ACLY: variants seen among roughly 807,000 people sequenced by gnomAD.
The protein encoded by ACLY is ATP-citrate synthase.
Under a neutral mutation model 133.0 loss-of-function variants are expected in ACLY, and 41 were observed. The observed-to-expected ratio is 0.31, with a 90% CI of 0.24 to 0.40. The LOEUF (loss-of-function observed/expected upper bound fraction) is 0.40. Among genes scored for constraint, ACLY ranks in the 10% least tolerant of loss-of-function variants. The pLI is 1.00. For missense variants in ACLY, 1,046 were observed against 1,453.8 expected (o/e 0.72, Z 4.56); for synonymous variants, 495 against 549.3 (o/e 0.90, Z 1.38).
intron 16 of ACLY, 29 bp downstream of exon 16, chr17:41,892,250 C>T (rs1555629466): frequency 3.2e-5 from 9 of 278,610 alleles, no homozygotes; most frequent in South Asian, 6.9e-5. Flanking sequence ...TGGTCCCCAC[C>T]CCCCACCCTC....
At chr17:41,910,556 C>T (rs1419141929) in intron 3 of ACLY, among the ~76,000 whole-genome samples, 2 of 152,172 alleles carry the variant, frequency 1.3e-5, no homozygotes, top group Non-Finnish European at 2.9e-5. Context: ...ACAGGACCTG[C>T]GCAAGTGAAA....
intron 16 of ACLY, among the ~76,000 whole-genome samples, chr17:41,888,982 G>A (rs1188263113): frequency 1.3e-5 from 2 of 152,246 alleles, no homozygotes; most frequent in East Asian, 3.9e-4. Context: ...GCCAGGCATA[G>A]TGATGCATGC....
In ACLY at chr17:41,869,668, A is replaced by G. The variant is rs1260221098; in HGVS notation, c.2938-81T>C. 8 of 1,200,430 alleles carry G rather than the reference A, an allele frequency of 6.7e-6. No homozygotes were observed. The Admixed American group carries it at 1.4e-4, about 21-fold the overall frequency. The allele number at this position is 1,200,430 out of a possible 1,614,324, so 74.4% of individuals were successfully genotyped here. A position where few individuals can be genotyped will look rare whatever the true frequency, so the allele number is the denominator to read the frequency against. On this transcript the variant is annotated intron_variant, in intron 25 of 28. Transcript: ENST00000352035. Reference sequence around the variant, plus strand: ...GTTCATACTTGTGTTACAGGTAGGTAGAACTGGACATATCCCAGCGGCGAT... The same window carrying G: ...GTTCATACTTGTGTTACAGGTAGGTGGAACTGGACATATCCCAGCGGCGAT...
Position 41,906,629 on chromosome 17 carries a change from G to C in ACLY, c.765C>G (p.Asp255Glu). ...GGCTTGCCCCACTTTTGGCATCGAGGTCTGCAATGTAGGCTTCCTGGGGAC... is the reference window on the plus strand; with the variant it reads ...GGCTTGCCCCACTTTTGGCATCGAGCTCTGCAATGTAGGCTTCCTGGGGAC... ...EAYPEEAYIA[D>E]LDAKSGASLK... Residue 255 changes from aspartate to glutamate, a missense_variant, in exon 8 of 29, where the codon GAC becomes GAG. Coordinates refer to ENST00000352035, the MANE Select transcript of ACLY (RefSeq NM_001096.3). The C allele has an allele frequency of 6.2e-7, 1 of 1,614,194 alleles. No homozygotes were observed. The highest frequency in any genetic ancestry group is 8.5e-7 in the Non-Finnish European group (1 of 1,180,026).
At chr17:41,878,048 C>CAT (rs1555626467) in intron 22 of ACLY, 55 bp downstream of exon 22, 2 of 1,310,008 alleles carry the variant, frequency 1.5e-6, no homozygotes, top group African/African-American at 3.0e-5. Flanking sequence ...AACCCACCAC[C>CAT]ATAGACCCAC....
At chr17:41,915,131 C>T (rs1426689398) in intron 1 of ACLY, among the ~76,000 whole-genome samples, 1 of 152,178 alleles carries the variant, frequency 6.6e-6, no homozygotes, top group Non-Finnish European at 1.5e-5. Context: ...GTGTCCTTTT[C>T]ACTTCAAAGA....
At chr17:41,923,573 C>CT (rs1555635667), upstream of ACLY, among the ~76,000 whole-genome samples, 1 of 152,176 alleles carries the variant, frequency 6.6e-6, no homozygotes, top group East Asian at 1.9e-4. Flanking sequence ...AGTGGATCTC[C>CT]TTTATCTGAC....
chr17:41,869,015 T>C, intron 27 of ACLY, 28 bp downstream of exon 27: 1 of 1,571,366 alleles, frequency 6.4e-7, no homozygotes, highest in Non-Finnish European at 8.7e-7. Flanking sequence ...ACAAACGTAA[T>C]GAAGAAGAAA....
intron 22 of ACLY, among the ~76,000 whole-genome samples, chr17:41,875,716 T>C (rs1395648083): frequency 6.6e-6 from 1 of 152,238 alleles, no homozygotes; most frequent in Non-Finnish European, 1.5e-5. Context: ...GGTGCCGGGA[T>C]TGCAGACGGA....
intron 4 of ACLY, among the ~76,000 whole-genome samples, 160 bp downstream of exon 4, chr17:41,910,062 G>A (rs2049852584): frequency 6.6e-6 from 1 of 151,990 alleles, no homozygotes; most frequent in Admixed American, 6.6e-5. Flanking sequence ...TTCCCCTCTG[G>A]ACTCCCGAGT....
intron 6 of ACLY, 67 bp from the exon 7 acceptor site, chr17:41,907,639 C>T: frequency 1.3e-6 from 2 of 1,576,686 alleles, no homozygotes; most frequent in South Asian, 1.1e-5. Flanking sequence ...AACCTCCAAC[C>T]CCTCCACAAA....
chr17:41,891,057 C>A (rs1384264228), intron 16 of ACLY, among the ~76,000 whole-genome samples: 2 of 152,052 alleles, frequency 1.3e-5, no homozygotes, highest in Non-Finnish European at 2.9e-5. Flanking sequence ...GAGACAGGAT[C>A]TGGGACTTAC....
At position 41,894,231 on chromosome 17, in the gene ACLY, A is replaced by G. The variant is rs868910534; in HGVS notation, c.1460-1057T>C. ...GACTCCATCTCAAAAAAAAAAAAAA[A>G]AAAATTAGCGTGGTGGCATGCACCT... is the stretch of plus-strand genomic sequence containing the variant. On this transcript the variant is annotated intron_variant, in intron 14 of 28. Transcript: ENST00000352035. Among the ~76,000 whole-genome samples the G allele has an allele frequency of 2.8e-3, 422 of 151,180 alleles. 3 individuals are homozygous for G. The highest frequency in any genetic ancestry group is 9.7e-3 in the African/African-American group (401 of 41,136).
At chr17:41,892,240 T>TGGGGGGGGGGGGGGGGGGGGGG in intron 16 of ACLY, 39 bp downstream of exon 16, 4 of 400,160 alleles carry the variant, frequency 1.0e-5, no homozygotes, top group African/African-American at 2.5e-5. Context: ...GCATAGTTCA[T>TGGGGGGGGGGGGGGGGGGGGGG]GGTCCCCACC....
chr17:41,929,662 A>G (rs2050291017), intron 1 of ACLY, among the ~76,000 whole-genome samples: 1 of 152,162 alleles, frequency 6.6e-6, no homozygotes, highest in African/African-American at 2.4e-5. Context: ...TATTTCTTAT[A>G]TTTTGAATTA....
intron 7 of ACLY, 117 bp from the exon 8 acceptor site, chr17:41,906,763 G>A: frequency 1.1e-6 from 1 of 915,486 alleles, no homozygotes; most frequent in South Asian, 1.4e-5. Flanking sequence ...TAATGGGGTG[G>A]GAAGAAGGGG....
In ACLY at chr17:41,866,972, A is replaced by C. The variant is rs2048485261; in HGVS notation, c.*838T>G. 1 of 152,554 alleles carries C rather than the reference A, an allele frequency of 6.6e-6. No homozygotes were observed. The highest frequency in any genetic ancestry group is 2.1e-4 in the South Asian group (1 of 4,832). 9.5% of individuals were successfully genotyped at this position (152,554 alleles called of 1,614,324 possible). On this transcript the variant is annotated 3_prime_UTR_variant, in exon 29 of 29. Transcript: ENST00000352035. Reference sequence around the variant, plus strand: ...AAACCAGACTATGATAATACAGAGAAGAGACTGAGGTGGCAGCTGCCCAGA... The same window carrying C: ...AAACCAGACTATGATAATACAGAGACGAGACTGAGGTGGCAGCTGCCCAGA...
chr17:41,882,367 CAAAAAAA>C (rs34078258), intron 20 of ACLY, among the ~76,000 whole-genome samples: 61 of 40,250 alleles, frequency 1.5e-3, no homozygotes, highest in African/African-American at 2.9e-3. Flanking sequence ...ACCCTGTCTC[CAAAAAAA>C]AAAAAAAAAA....
rs372205779 is a variant in ACLY, at chr17:41,909,529, C to T, written c.517G>A (p.Ala173Thr). The T allele has an allele frequency of 9.9e-6, 16 of 1,613,954 alleles. No individual in the cohort carries two copies. Among genetic ancestry groups the T allele is most frequent in the South Asian group, 5.5e-5 (5 of 91,074 alleles). ...EDIKKHLLVH[A>T]PEDKKEILAS... is the part of the protein sequence containing the mutation. ...CTCAACTCTTTCTTGTCTTCAGGGG[C>T]GTGGACCAACAGGTGTTTTTTGATG... The change falls in exon 5 of 29, where the codon GCC (alanine) becomes ACC (threonine). Residue 173 changes from alanine (A) to threonine (T), a missense_variant. This residue lies in a region of ACLY where 227 missense variants were observed against 245.6 expected (regional missense o/e 0.92). Transcript: ENST00000352035.
Sources: allele counts gnomAD v4.1 joint callset (sites outside exome capture counted in the v4.1 genomes callset), GRCh38; gene constraint gnomAD v4.1.1; regional missense constraint gnomAD v4.1.1; transcripts MANE v1.5; gene names NCBI Gene and HGNC (gene_info 2026-07-23, HGNC 2026-07-21).